Variants in TEC observed in about 807,000 individuals in gnomAD.
TEC encodes tyrosine-protein kinase Tec.
A neutral mutation model predicts 93.0 loss-of-function variants in TEC; 72 were observed. The observed-to-expected ratio is 0.77, with a 90% CI of 0.64 to 0.94. TEC has a LOEUF of 0.94. Among genes scored for constraint, TEC ranks in the 40% least tolerant of loss-of-function variants. The pLI is 0.00. For missense variants in TEC, 630 were observed against 757.9 expected (o/e 0.83, Z 1.98); for synonymous variants, 249 against 247.7 (o/e 1.01, Z -0.05).
chr4:48,201,476 C>T lies in TEC; in HGVS notation c.139-25290G>A, dbSNP rs77742081. On this transcript the variant is annotated intron_variant, in intron 2 of 17. Transcript: ENST00000381501. Reference sequence around the variant, plus strand: ...ACGAAAGAACCCTGAGGAACACGCACATGTGAGAGGCGGGCAGAGAAAGGG... The same window carrying T: ...ACGAAAGAACCCTGAGGAACACGCATATGTGAGAGGCGGGCAGAGAAAGGG... Among the ~76,000 whole-genome samples the T allele has an allele frequency of 6.8e-3, 1,036 of 152,236 alleles. 5 individuals carry two copies. The highest frequency in any genetic ancestry group is 0.024 in the African/African-American group (996 of 41,516).
At chr4:48,256,935 G>C (rs573020235) in intron 1 of TEC, among the ~76,000 whole-genome samples, 5 of 152,300 alleles carry the variant, frequency 3.3e-5, no homozygotes, top group Non-Finnish European at 5.9e-5. Context: ...GCCACCAATA[G>C]CTAATGAGCA....
At chr4:48,254,075 T>C (rs141873270) in intron 1 of TEC, among the ~76,000 whole-genome samples, 8 of 152,322 alleles carry the variant, frequency 5.3e-5, no homozygotes, top group Admixed American at 3.3e-4. Flanking sequence ...TAATCTCTTT[T>C]ATGAAGTCTC....
At chr4:48,225,873 G>T (rs1311153897) in intron 2 of TEC, among the ~76,000 whole-genome samples, 2 of 152,076 alleles carry the variant, frequency 1.3e-5, no homozygotes, top group Non-Finnish European at 2.9e-5. Context: ...CAGAGGAGTG[G>T]GGGTGAAGGC....
intron 2 of TEC, among the ~76,000 whole-genome samples, chr4:48,223,026 C>A (rs1312926747): frequency 6.6e-6 from 1 of 152,068 alleles, no homozygotes; most frequent in Non-Finnish European, 1.5e-5. Flanking sequence ...GGTAACAGAT[C>A]AGATGTGTGT....
At chr4:48,151,899 A>C (rs1452669987) in intron 9 of TEC, among the ~76,000 whole-genome samples, 4 of 152,242 alleles carry the variant, frequency 2.6e-5, no homozygotes, top group Non-Finnish European at 1.5e-5. Flanking sequence ...TCAGCTTCCA[A>C]ACTGAAAAGC....
chr4:48,188,605 C>T (rs1420409737), intron 2 of TEC, among the ~76,000 whole-genome samples: 1 of 152,042 alleles, frequency 6.6e-6, no homozygotes, highest in African/African-American at 2.4e-5. Context: ...CTCATACAAG[C>T]ATATGTATGT....
chr4:48,206,105 T>C (rs1411432578), intron 2 of TEC, among the ~76,000 whole-genome samples: 3 of 152,218 alleles, frequency 2.0e-5, no homozygotes, highest in Non-Finnish European at 4.4e-5. Context: ...ATTCTACTTA[T>C]ACAAAGTATC....
chr4:48,227,314 T>C (rs1723498662), intron 2 of TEC, among the ~76,000 whole-genome samples: 1 of 151,736 alleles, frequency 6.6e-6, no homozygotes, highest in Non-Finnish European at 1.5e-5. Context: ...TAAATCAACG[T>C]CTGAGGAAGA....
At chr4:48,173,336 C>T (rs1314252128) in intron 3 of TEC, among the ~76,000 whole-genome samples, 1 of 152,160 alleles carries the variant, frequency 6.6e-6, no homozygotes, top group Non-Finnish European at 1.5e-5. Context: ...TTCAGAGTTT[C>T]GATAACTAAA....
intron 2 of TEC, among the ~76,000 whole-genome samples, chr4:48,190,532 G>A (rs1309371140): frequency 6.6e-6 from 1 of 152,152 alleles, no homozygotes. Flanking sequence ...ATTTATAATC[G>A]AGGTAGGAAA....
intron 7 of TEC, among the ~76,000 whole-genome samples, chr4:48,166,959 G>C (rs1208188710): frequency 6.6e-6 from 1 of 151,782 alleles, no homozygotes; most frequent in Admixed American, 6.6e-5. Context: ...TGGGAGGTGA[G>C]AGGGCAGGTG....
At chr4:48,236,577 G>C (rs13103259) in intron 1 of TEC, among the ~76,000 whole-genome samples, 1 of 152,022 alleles carries the variant, frequency 6.6e-6, no homozygotes, top group Non-Finnish European at 1.5e-5. Flanking sequence ...CCACCGCGCC[G>C]GGCCACAAAC....
At chr4:48,200,745 AT>A (rs1722478775) in intron 2 of TEC, among the ~76,000 whole-genome samples, 1 of 152,182 alleles carries the variant, frequency 6.6e-6, no homozygotes, top group Non-Finnish European at 1.5e-5. Context: ...CTGGTGGGAG[AT>A]GTCCCTTCTT....
intron 1 of TEC, among the ~76,000 whole-genome samples, chr4:48,261,445 T>A (rs1222900952): frequency 6.6e-6 from 1 of 152,146 alleles, no homozygotes. Context: ...AAACTTTAAA[T>A]CACTCTTGTA....
At chr4:48,183,755 G>A (rs1194797140) in intron 2 of TEC, among the ~76,000 whole-genome samples, 1 of 152,176 alleles carries the variant, frequency 6.6e-6, no homozygotes, top group Non-Finnish European at 1.5e-5. Flanking sequence ...TATTGCGTGA[G>A]CCCATTTCCA....
intron 2 of TEC, among the ~76,000 whole-genome samples, chr4:48,182,834 T>C (rs899732785): frequency 6.6e-6 from 1 of 152,008 alleles, no homozygotes; most frequent in Admixed American, 6.6e-5. Flanking sequence ...TCTAAAGAAA[T>C]TAAGTGAGAA....
At chr4:48,196,024 C>T (rs971059036) in intron 2 of TEC, among the ~76,000 whole-genome samples, 2 of 152,146 alleles carry the variant, frequency 1.3e-5, no homozygotes, top group Non-Finnish European at 2.9e-5. Context: ...TACAGAGATA[C>T]CACATTATAG....
intron 2 of TEC, among the ~76,000 whole-genome samples, chr4:48,211,511 A>G (rs1391933902): frequency 6.6e-6 from 1 of 152,232 alleles, no homozygotes; most frequent in Non-Finnish European, 1.5e-5. Context: ...TTGTACTACA[A>G]TCAGTCCTAG....
chr4:48,243,804 C>A (rs1414298417), intron 1 of TEC, among the ~76,000 whole-genome samples: 4 of 151,906 alleles, frequency 2.6e-5, no homozygotes, highest in Non-Finnish European at 5.9e-5. Flanking sequence ...ACAACGCACA[C>A]TGGGGCCTGT....
Sources: gnomAD v4.1 joint callset for allele counts (sites outside exome capture counted in the v4.1 genomes callset) on GRCh38, gnomAD v4.1.1 for gene constraint, MANE v1.5 for transcripts, NCBI Gene and HGNC (gene_info 2026-07-23, HGNC 2026-07-21) for gene names.